Variants in ZZEF1 observed in about 807,000 individuals in gnomAD.
ZZEF1 encodes the protein zinc finger ZZ-type and EF-hand domain containing 1, also known as zinc finger ZZ-type and EF-hand domain-containing protein 1.
ZZEF1 carries 157 observed loss-of-function variants against 342.8 expected under a neutral mutation model. The ratio of observed to expected loss-of-function variants is 0.46; its 90% CI spans 0.40 to 0.52. The LOEUF (loss-of-function observed/expected upper bound fraction) is 0.52, where lower values mean the gene tolerates loss of function less well. ZZEF1 is among the 20% of genes least tolerant of loss of function. ZZEF1 has a pLI of 0.00. For missense variants in ZZEF1, 3,480 were observed against 3,725.6 expected (o/e 0.93, Z 1.72); for synonymous variants, 1,505 against 1,429.1 (o/e 1.05, Z -1.20).
In ZZEF1 at chr17:4,049,813, C is replaced by G. The variant is rs376126244; in HGVS notation, c.5910G>C (p.Ser1970=). ...ALLGVLPDGD[S]SLEDQALPVT... ...CTGGTAGGGCCTGATCTTCTAGGCT[C>G]GAGTCCCCATCTGGCAATACACCCA... The change falls in exon 37 of 55, where the codon TCG becomes TCC. Residue 1970 remains serine, a synonymous_variant. Transcript: ENST00000381638. 5 of 1,614,032 alleles carry G rather than the reference C, an allele frequency of 3.1e-6. No individual in the cohort carries two copies. In the African/African-American group the frequency reaches 6.7e-5, roughly 22 times the overall value.
intron 6 of ZZEF1, among the ~76,000 whole-genome samples, chr17:4,107,837 G>T (rs1454335454): frequency 4.6e-5 from 7 of 152,190 alleles, no homozygotes; most frequent in African/African-American, 1.7e-4. Flanking sequence ...CACCTAAAGA[G>T]CCCCTGATTC....
chr17:4,092,183 A>G (rs2145391331), intron 11 of ZZEF1, among the ~76,000 whole-genome samples: 1 of 152,096 alleles, frequency 6.6e-6, no homozygotes, highest in East Asian at 1.9e-4. Context: ...TCTGTGATAT[A>G]TAGCCACCAA....
At chr17:4,024,829 G>A (rs1039427106) in intron 43 of ZZEF1, 90 bp downstream of exon 43, 34 of 1,272,474 alleles carry the variant, frequency 2.7e-5, no homozygotes, top group Admixed American at 6.8e-5. Context: ...ACCATCCATC[G>A]AAATCAGATG....
At chr17:4,013,395 C>T in intron 52 of ZZEF1, 54 bp downstream of exon 52, 8 of 1,473,886 alleles carry the variant, frequency 5.4e-6, no homozygotes, top group Non-Finnish European at 7.3e-6. Context: ...GGGCCAGCCA[C>T]AGAGTGGGGA....
intron 54 of ZZEF1, 65 bp from the exon 55 acceptor site, chr17:4,007,035 A>G: frequency 7.0e-7 from 1 of 1,426,854 alleles, no homozygotes; most frequent in Non-Finnish European, 9.5e-7. Context: ...GAGTGCTGAT[A>G]AGACCCTCAG....
chr17:4,099,203 A>G (rs1239529245), intron 9 of ZZEF1, among the ~76,000 whole-genome samples: 1 of 152,076 alleles, frequency 6.6e-6, no homozygotes. Context: ...GTAAGAAATC[A>G]GCTCACGTGG....
intron 25 of ZZEF1, 131 bp from the exon 26 acceptor site, chr17:4,071,055 A>T (rs894896798): frequency 1.9e-5 from 20 of 1,059,138 alleles, no homozygotes; most frequent in Admixed American, 1.1e-4. Flanking sequence ...AATCTATTTT[A>T]GGAAGACCAG....
chr17:4,019,198 A>G (rs529095716), intron 46 of ZZEF1, among the ~76,000 whole-genome samples: 1 of 152,324 alleles, frequency 6.6e-6, no homozygotes, highest in South Asian at 2.1e-4. Context: ...AAGAAGTCAA[A>G]ATTAGGATAC....
intron 9 of ZZEF1, among the ~76,000 whole-genome samples, chr17:4,098,317 TGGGAG>T (rs2145420886): frequency 7.0e-6 from 1 of 142,746 alleles, no homozygotes; most frequent in East Asian, 2.0e-4. Flanking sequence ...GAGGCCAGGG[TGGGAG>T]GATCGCTTGA....
chr17:4,102,048 A>T (rs76628486), intron 9 of ZZEF1, among the ~76,000 whole-genome samples: 2,358 of 152,120 alleles, frequency 0.016, 27 homozygotes, highest in Middle Eastern at 0.024. Flanking sequence ...AAAAACGATT[A>T]AAAAAAATAG....
chr17:4,036,113 G>A (rs2056656960), intron 39 of ZZEF1, among the ~76,000 whole-genome samples: 1 of 149,516 alleles, frequency 6.7e-6, no homozygotes, highest in Admixed American at 6.7e-5. Flanking sequence ...AACAAGGAAA[G>A]GAGGACACCT....
rs747887523 is a variant in ZZEF1, at chr17:4,032,857, T to C, written c.6730A>G (p.Thr2244Ala). 2 of 1,613,996 alleles carry C rather than the reference T, an allele frequency of 1.2e-6. No individual in the cohort carries two copies. Among genetic ancestry groups the C allele is most frequent in the Non-Finnish European group, 1.7e-6 (2 of 1,179,992 alleles). The change falls in exon 41 of 55, where the codon ACC becomes GCC. Residue 2244 changes from threonine (T) to alanine (A), a missense_variant. This residue lies in a region of ZZEF1 where 1,269 missense variants were observed against 1,342.4 expected (regional missense o/e 0.95). Coordinates refer to ENST00000381638, the MANE Select transcript of ZZEF1 (RefSeq NM_015113.4). ...PFQLKHTNIF[T>A]LLVLVGFPQV... ...GGGAAGCCAACCAGCACGAGCAGGG[T>C]GAAGATGTTGGTGTGCTTCAGCTGG... is the stretch of plus-strand genomic sequence containing the variant.
At position 4,030,438 on chromosome 17, in the gene ZZEF1, T is replaced by C. The variant is rs543889289; in HGVS notation, c.6892+1688A>G. Reference sequence around the variant, plus strand: ...CCTTTATAATGGGTTTATCAGGACATAACCCCATTATAAACTGAGGAACAT... The same window carrying C: ...CCTTTATAATGGGTTTATCAGGACACAACCCCATTATAAACTGAGGAACAT... On this transcript the variant is annotated intron_variant, in intron 42 of 54. Transcript: ENST00000381638. Among the ~76,000 whole-genome samples, 5 of 152,368 alleles carry C rather than the reference T, an allele frequency of 3.3e-5. No individual in the cohort carries two copies. The East Asian group carries it at 9.6e-4, about 29-fold the overall frequency.
At chr17:4,033,245 T>G (rs1009363693) in intron 40 of ZZEF1, 2 of 434,656 alleles carry the variant, frequency 4.6e-6, no homozygotes, top group Non-Finnish European at 8.3e-6. Flanking sequence ...ATCACCTGTG[T>G]GTGTGCACAT....
Position 4,142,791 on chromosome 17 carries a change from G to C in ZZEF1, c.105C>G (p.Pro35=), listed in dbSNP as rs1251742196. ...QDWAAVSGTT[P]GPGVAAPALP... is the part of the protein sequence containing the mutation. ...GCGCTGGAGCCGCGACGCCCGGGCC[G>C]GGGGTCGTGCCCGAGACCGCGGCCC... The change falls in exon 1 of 55, where the codon CCC becomes CCG. Residue 35 remains proline (P), a synonymous_variant. Coordinates refer to ENST00000381638, the MANE Select transcript of ZZEF1 (RefSeq NM_015113.4). 3.5e-6 allele frequency: 5 copies of C among 1,414,930 alleles called. No individual in the cohort carries two copies. The highest frequency in any genetic ancestry group is 4.6e-6 in the Non-Finnish European group (5 of 1,096,316). The allele number at this position is 1,414,930 out of a possible 1,614,324, so 87.6% of individuals were successfully genotyped here.
In ZZEF1 at chr17:4,070,810, C is replaced by T. The variant is rs2057493298; in HGVS notation, c.3949G>A (p.Ala1317Thr). The T allele has an allele frequency of 6.2e-7, 1 of 1,614,060 alleles. No homozygotes were observed. The highest frequency in any genetic ancestry group is 1.3e-5 in the African/African-American group (1 of 74,984). ...GTCTTTGGGGCCTGTTTTCTACATG[C>T]CTGTATGAATCCTTTGAAAAGTTCT... ...YSELFKGFIQ[A>T]CRKQAPKTDI... Residue 1317 changes from alanine (A) to threonine (T), a missense_variant, in exon 26 of 55, where the codon GCA becomes ACA. By Grantham distance (58) the Ala-to-Thr change is moderately conservative. Coordinates refer to ENST00000381638, the MANE Select transcript of ZZEF1 (RefSeq NM_015113.4).
rs1475424636 is a variant in ZZEF1 at position 4,008,519 on chromosome 17, C to A, written c.8805+364G>T. The A allele has an allele frequency of 9.6e-7, 1 of 1,038,988 alleles. No homozygotes were observed. 64.4% of individuals were successfully genotyped at this position (1,038,988 alleles called of 1,614,324 possible). A position where few individuals can be genotyped will look rare whatever the true frequency, so the allele number is the denominator to read the frequency against. ...GTGAAAAGTGTGAAGCGTCCTGAGA[C>A]CAAACAGCTGTCAGAAGAGGAGTTC... is the stretch of plus-strand genomic sequence containing the variant. On this transcript the variant is annotated intron_variant, in intron 54 of 54. Coordinates refer to ENST00000381638, the MANE Select transcript of ZZEF1 (RefSeq NM_015113.4). This position sits in a 1 kb window ranked among gnomAD's most constrained non-coding sequence, Gnocchi z 4.2.
At chr17:4,133,126 C>A (rs995653119) in intron 1 of ZZEF1, among the ~76,000 whole-genome samples, 3 of 152,172 alleles carry the variant, frequency 2.0e-5, no homozygotes, top group African/African-American at 7.2e-5. Context: ...ATTTGTAAGA[C>A]TCAAGGTCTG....
At chr17:4,126,329 T>A (rs758081046) in intron 1 of ZZEF1, among the ~76,000 whole-genome samples, 4 of 150,666 alleles carry the variant, frequency 2.7e-5, no homozygotes, top group Admixed American at 6.6e-5. Flanking sequence ...TCATCGGGAG[T>A]ACTCATAGTT....
Sources: allele counts gnomAD v4.1 joint callset (sites outside exome capture counted in the v4.1 genomes callset), GRCh38; gene constraint gnomAD v4.1.1; regional missense constraint gnomAD v4.1.1; non-coding constraint Gnocchi (gnomAD v3.1); transcripts MANE v1.5; gene names NCBI Gene and HGNC (gene_info 2026-07-23, HGNC 2026-07-21).